Variants in SYTL2 observed in about 807,000 individuals in gnomAD.
The protein encoded by SYTL2 is synaptotagmin like 2, also known as synaptotagmin-like protein 2.
SYTL2 carries 165 observed loss-of-function variants against 198.7 expected under a neutral mutation model. The ratio of observed to expected loss-of-function variants is 0.83; its 90% CI spans 0.73 to 0.94. The LOEUF is 0.94. Ranked by LOEUF, SYTL2 falls within the 40% of genes least tolerant of loss-of-function variation. SYTL2 has a pLI of 0.00. For missense variants in SYTL2, 2,835 were observed against 2,582.8 expected, an observed-to-expected ratio of 1.10 and a Z score of -2.12; for synonymous variants, 966 against 917.7, an observed-to-expected ratio of 1.05 and a Z score of -0.95.
At chr11:85,752,209 G>A (rs1027602257) in intron 2 of SYTL2, among the ~76,000 whole-genome samples, 1 of 152,158 alleles carries the variant, frequency 6.6e-6, no homozygotes, top group Admixed American at 6.5e-5. Context: ...CTATTCTCCA[G>A]CCTTTCTTTT....
chr11:85,784,351 A>T (rs543066797), intron 1 of SYTL2, among the ~76,000 whole-genome samples: 1 of 152,080 alleles, frequency 6.6e-6, no homozygotes, highest in Non-Finnish European at 1.5e-5. Flanking sequence ...CCATTAGGAA[A>T]CCAAAGCCAC....
the SYTL2 span, among the ~76,000 whole-genome samples, chr11:85,851,605 T>G: frequency 1.3e-5 from 2 of 152,212 alleles, no homozygotes; most frequent in Non-Finnish European, 2.9e-5. Context: ...CAGCAAATGG[T>G]TTTTATCTGG....
the SYTL2 span, among the ~76,000 whole-genome samples, chr11:85,837,252 G>T: frequency 1.3e-5 from 2 of 152,294 alleles, no homozygotes; most frequent in Non-Finnish European, 2.9e-5. Context: ...GGGCCTTCAC[G>T]GAGGCAATTA....
intron 1 of SYTL2, among the ~76,000 whole-genome samples, chr11:85,783,045 G>T (rs981305755): frequency 4.6e-5 from 7 of 152,160 alleles, no homozygotes; most frequent in African/African-American, 1.4e-4. Context: ...TATCTTTACA[G>T]CAGCAACCCA....
intron 7 of SYTL2, among the ~76,000 whole-genome samples, chr11:85,733,348 T>G (rs1312398603): frequency 6.6e-6 from 1 of 152,172 alleles, no homozygotes; most frequent in Non-Finnish European, 1.5e-5. Flanking sequence ...CTAAAAACAT[T>G]GTCATTTGTT....
At chr11:85,821,919 C>A in the SYTL2 span, among the ~76,000 whole-genome samples, 1,746 of 152,304 alleles carry the variant, frequency 0.011, 36 homozygotes, top group African/African-American at 0.04. Flanking sequence ...CTGTGCTAGA[C>A]CCTGCCAGTG....
At chr11:85,704,728 T>C in intron 16 of SYTL2, 130 bp downstream of exon 16, 1 of 651,970 alleles carries the variant, frequency 1.5e-6, no homozygotes, top group Non-Finnish European at 2.5e-6. Flanking sequence ...ACCTTTCTTT[T>C]TTTTCCTCTA....
At chr11:85,853,270 G>C in the SYTL2 span, 1 of 435,746 alleles carries the variant, frequency 2.3e-6, no homozygotes, top group Non-Finnish European at 4.6e-6. Flanking sequence ...GCCGTGTCTT[G>C]AGTAGAAAAA....
intron 1 of SYTL2, among the ~76,000 whole-genome samples, chr11:85,788,897 T>C (rs987384978): frequency 5.3e-5 from 8 of 151,782 alleles, no homozygotes; most frequent in Non-Finnish European, 1.0e-4. Context: ...ACTTCTATCA[T>C]AATAATCTTG....
chr11:85,816,690 G>A, the SYTL2 span, among the ~76,000 whole-genome samples: 6 of 152,120 alleles, frequency 3.9e-5, no homozygotes, highest in East Asian at 1.9e-4. Context: ...CAGTAAGAAC[G>A]CTTGAGCACA....
the SYTL2 span, among the ~76,000 whole-genome samples, chr11:85,848,156 C>A: frequency 6.6e-6 from 1 of 151,938 alleles, no homozygotes; most frequent in Admixed American, 6.6e-5. Flanking sequence ...AGGAGGATCA[C>A]TTAAGCTTGA....
chr11:85,736,666 C>A (rs1441403071), intron 5 of SYTL2, 51 bp from the exon 6 acceptor site: 2 of 993,546 alleles, frequency 2.0e-6, no homozygotes, highest in Admixed American at 3.9e-5. Context: ...ATGACAGCAA[C>A]TCAGTGTTGG....
chr11:85,849,042 C>T, the SYTL2 span, among the ~76,000 whole-genome samples: 1 of 152,204 alleles, frequency 6.6e-6, no homozygotes, highest in African/African-American at 2.4e-5. Context: ...CAGTGAGACA[C>T]CATCCCATTT....
chr11:85,798,331 C>T (rs955104836), intron 1 of SYTL2, among the ~76,000 whole-genome samples: 66 of 152,290 alleles, frequency 4.3e-4, no homozygotes, highest in African/African-American at 1.6e-3. Context: ...CAAGAGAAAC[C>T]CGTGAAACTT....
intron 8 of SYTL2, among the ~76,000 whole-genome samples, 159 bp downstream of exon 8, chr11:85,723,872 TA>T (rs2088714388): frequency 6.6e-6 from 1 of 151,236 alleles, no homozygotes; most frequent in South Asian, 2.1e-4. Context: ...AAAATATAAA[TA>T]ATTTTTTTAA....
rs773519789 is a variant in SYTL2 at position 85,734,755 on chromosome 11, A to G, written c.587-13T>C. 2.5e-6 allele frequency: 4 copies of G among 1,591,522 alleles called. No individual in the cohort carries two copies. The highest frequency in any genetic ancestry group is 3.4e-6 in the Non-Finnish European group (4 of 1,163,178). On this transcript the variant is annotated splice_polypyrimidine_tract_variant and intron_variant, in intron 6 of 19. Coordinates refer to ENST00000359152, the MANE Select transcript of SYTL2 (RefSeq NM_206927.4). Reference sequence around the variant, plus strand: ...TCTGACAATTCATCTGAAAATTAAAACACAGTAGGTGATATATCATATAGA... The same window carrying G: ...TCTGACAATTCATCTGAAAATTAAAGCACAGTAGGTGATATATCATATAGA...
intron 8 of SYTL2, 38 bp from the exon 9 acceptor site, chr11:85,720,997 CAA>C (rs199548160): frequency 7.0e-3 from 6,258 of 894,516 alleles, no homozygotes; most frequent in South Asian, 0.011. Context: ...TGCACAATAC[CAA>C]AAAAAAAAAA....
In SYTL2 at chr11:85,725,539, T is replaced by A; in HGVS notation, c.3819A>T (p.Arg1273Ser). 6.2e-7 allele frequency: 1 copy of A among 1,614,086 alleles called. No homozygotes were observed. Among genetic ancestry groups the A allele is most frequent in the Non-Finnish European group, 8.5e-7 (1 of 1,179,986 alleles). ...KREILAPFPV[R>S]DETFGNTALL... ...GAGCTGTATTTCCAAAAGTTTCATC[T>A]CTCACTGGAAAAGGAGCTAGTATTT... Residue 1273 changes from arginine (R) to serine (S), a missense_variant, in exon 8 of 20, where the codon AGA becomes AGT. Transcript: ENST00000359152.
chr11:85,844,586 A>G, the SYTL2 span, among the ~76,000 whole-genome samples: 1 of 152,214 alleles, frequency 6.6e-6, no homozygotes, highest in Admixed American at 6.5e-5. Context: ...CCTGAGTCAT[A>G]GAAGACTTCA....
Sources: gnomAD v4.1 joint callset for allele counts (sites outside exome capture counted in the v4.1 genomes callset) on GRCh38, gnomAD v4.1.1 for gene constraint, MANE v1.5 for transcripts, NCBI Gene and HGNC (gene_info 2026-07-23, HGNC 2026-07-21) for gene names.